ERBB4: variants seen among roughly 807,000 people sequenced by gnomAD.
The protein encoded by ERBB4 is receptor tyrosine-protein kinase erbB-4.
Under a neutral mutation model 158.0 loss-of-function variants are expected in ERBB4, and 42 were observed. The observed-to-expected ratio is 0.27, with a 90% confidence interval of 0.21 to 0.34. The LOEUF is 0.34. Among genes scored for constraint, ERBB4 ranks in the 10% least tolerant of loss-of-function variants. The pLI, the probability that ERBB4 is intolerant of heterozygous loss-of-function variation, is 1.00. For synonymous variants in ERBB4, 583 were observed against 558.7 expected, an observed-to-expected ratio of 1.04 and a Z score of -0.61; for missense variants, 1,333 against 1,624.1, an observed-to-expected ratio of 0.82 and a Z score of 3.08.
chr2:211,383,743 A>C lies in ERBB4; in HGVS notation c.3799T>G (p.Phe1267Val). 6.2e-7 allele frequency: 1 copy of C among 1,614,074 alleles called. No individual in the cohort carries two copies. Among genetic ancestry groups the C allele is most frequent in the Non-Finnish European group, 8.5e-7 (1 of 1,180,006 alleles). The change falls in exon 28 of 28, where the codon TTT (phenylalanine) becomes GTT (valine). Residue 1267 changes from phenylalanine to valine, a missense_variant. Physicochemically the swap from Phe to Val is conservative, Grantham distance 50. This residue lies in a region of ERBB4 where 84 missense variants were observed against 110.8 expected (regional missense o/e 0.76). Transcript: ENST00000342788. ...CGGATCCGCCCATTCTGTTTATAAA[A>C]ATATTTTGTGCTGTACTCCTGCAGG... ...DYLQEYSTKY[F>V]YKQNGRIRPI... is the part of the protein sequence containing the mutation.
At chr2:211,956,250 A>C (rs1161936259) in intron 2 of ERBB4, among the ~76,000 whole-genome samples, 1 of 152,162 alleles carries the variant, frequency 6.6e-6, no homozygotes, top group African/African-American at 2.4e-5. Flanking sequence ...GATACAACGC[A>C]TAAATGCAAA....
At chr2:211,773,645 TA>T (rs1559506491) in intron 4 of ERBB4, among the ~76,000 whole-genome samples, 16 of 85,294 alleles carry the variant, frequency 1.9e-4, no homozygotes, top group African/African-American at 5.6e-4. Context: ...TATATATATA[TA>T]TAATATATAT....
At chr2:212,382,025 G>A (rs2090519677) in intron 1 of ERBB4, among the ~76,000 whole-genome samples, 1 of 150,782 alleles carries the variant, frequency 6.6e-6, no homozygotes, top group Admixed American at 6.7e-5. Flanking sequence ...TTAGGAGTCT[G>A]TTAGAAATAC....
At chr2:211,568,097 GA>G (rs1024744438) in intron 19 of ERBB4, among the ~76,000 whole-genome samples, 2 of 151,456 alleles carry the variant, frequency 1.3e-5, no homozygotes, top group African/African-American at 4.8e-5. Context: ...TATTTTTCCA[GA>G]AAAAAATTAT....
intron 20 of ERBB4, among the ~76,000 whole-genome samples, chr2:211,477,212 C>T (rs910317394): frequency 3.9e-4 from 60 of 152,064 alleles, no homozygotes; most frequent in African/African-American, 1.4e-3. Context: ...AACTGCAACT[C>T]TTCCCTTGGA....
intron 18 of ERBB4, among the ~76,000 whole-genome samples, chr2:211,623,514 C>T (rs1574875356): frequency 6.6e-6 from 1 of 152,008 alleles, no homozygotes; most frequent in South Asian, 2.1e-4. Context: ...GATAAAAAAG[C>T]AGAAGAGAAA....
intron 20 of ERBB4, among the ~76,000 whole-genome samples, chr2:211,432,428 G>A (rs558447231): frequency 6.6e-6 from 1 of 152,266 alleles, no homozygotes; most frequent in Admixed American, 6.5e-5. Context: ...GGTCTAATCA[G>A]TCAACAGTTG....
At chr2:212,045,453 G>A (rs1448591890) in intron 2 of ERBB4, among the ~76,000 whole-genome samples, 3 of 152,158 alleles carry the variant, frequency 2.0e-5, no homozygotes, top group African/African-American at 7.2e-5. Context: ...GGAGAGAGGA[G>A]ATTCTGTCTC....
intron 1 of ERBB4, among the ~76,000 whole-genome samples, chr2:212,448,607 A>G (rs1159599223): frequency 6.6e-6 from 1 of 152,150 alleles, no homozygotes; most frequent in Non-Finnish European, 1.5e-5. Context: ...TGAAAGAAAG[A>G]AGCAGCAGCT....
At chr2:211,675,017 C>T (rs2072002356) in intron 13 of ERBB4, among the ~76,000 whole-genome samples, 1 of 152,114 alleles carries the variant, frequency 6.6e-6, no homozygotes, top group South Asian at 2.1e-4. Context: ...TGACAGGCTT[C>T]TGATTTTTCC....
At chr2:212,214,707 A>G (rs1023917309) in intron 1 of ERBB4, among the ~76,000 whole-genome samples, 3 of 151,618 alleles carry the variant, frequency 2.0e-5, no homozygotes, top group African/African-American at 7.3e-5. Flanking sequence ...TATGAACTAA[A>G]GCTGATCATA....
At chr2:212,494,544 A>T (rs1690454550) in intron 1 of ERBB4, among the ~76,000 whole-genome samples, 1 of 152,030 alleles carries the variant, frequency 6.6e-6, no homozygotes, top group Admixed American at 6.6e-5. Context: ...AATTAACTCC[A>T]CCCAGCTATT....
intron 5 of ERBB4, among the ~76,000 whole-genome samples, chr2:211,730,950 A>G (rs147633753): frequency 4.1e-4 from 62 of 152,216 alleles, no homozygotes; most frequent in African/African-American, 1.4e-3. Context: ...CTTGTCTGAA[A>G]CTTAATCACA....
At chr2:211,578,405 T>C (rs942586339) in intron 19 of ERBB4, among the ~76,000 whole-genome samples, 1 of 152,168 alleles carries the variant, frequency 6.6e-6, no homozygotes, top group African/African-American at 2.4e-5. Flanking sequence ...TTCAACGTTA[T>C]TCCCATTAAA....
At chr2:211,580,603 G>T (rs188883196) in intron 19 of ERBB4, among the ~76,000 whole-genome samples, 9 of 151,218 alleles carry the variant, frequency 6.0e-5, no homozygotes, top group Non-Finnish European at 8.8e-5. Context: ...ATTCCTTAAA[G>T]AACTAAAAGT....
intron 1 of ERBB4, among the ~76,000 whole-genome samples, chr2:212,306,309 A>T (rs1559974717): frequency 1.3e-5 from 2 of 151,462 alleles, no homozygotes; most frequent in African/African-American, 2.4e-5. Context: ...TTTCAAGAAG[A>T]AAACAAACAA....
chr2:211,965,723 G>T (rs1025136175), intron 2 of ERBB4, among the ~76,000 whole-genome samples: 5 of 152,046 alleles, frequency 3.3e-5, no homozygotes, highest in Admixed American at 2.0e-4. Context: ...GACTTGAAAA[G>T]AAAATCCTTC....
chr2:212,452,014 T>G (rs1047898523), intron 1 of ERBB4, among the ~76,000 whole-genome samples: 53 of 151,884 alleles, frequency 3.5e-4, no homozygotes, highest in African/African-American at 1.2e-3. Context: ...TGCAGGTTTT[T>G]TTTTTTTTTT....
chr2:211,497,477 A>C (rs1176226932), intron 20 of ERBB4, among the ~76,000 whole-genome samples: 2 of 150,836 alleles, frequency 1.3e-5, no homozygotes, highest in African/African-American at 4.8e-5. Flanking sequence ...TTGTACTGGC[A>C]ACCTATAAAA....
Sources: gnomAD v4.1 joint callset for allele counts (sites outside exome capture counted in the v4.1 genomes callset) on GRCh38, gnomAD v4.1.1 for gene constraint, gnomAD v4.1.1 regional missense constraint, MANE v1.5 for transcripts, NCBI Gene and HGNC (gene_info 2026-07-23, HGNC 2026-07-21) for gene names.